Variants in MEF2C observed in about 807,000 individuals in gnomAD.
The protein encoded by MEF2C is myocyte-specific enhancer factor 2C.
MEF2C carries 6 observed loss-of-function variants against 50.5 expected under a neutral mutation model. The observed-to-expected ratio is 0.12, with a 90% confidence interval of 0.07 to 0.23. The LOEUF (loss-of-function observed/expected upper bound fraction) is 0.23. Among genes scored for constraint, MEF2C ranks in the 10% least tolerant of loss-of-function variants. The pLI is 1.00. For synonymous variants in MEF2C, 183 were observed against 228.0 expected (o/e 0.80, Z 1.78); for missense variants, 276 against 605.0 (o/e 0.46, Z 5.70).
chr5:88,793,830 T>A (rs1794883935), intron 3 of MEF2C, among the ~76,000 whole-genome samples: 1 of 151,748 alleles, frequency 6.6e-6, no homozygotes, highest in Admixed American at 6.6e-5. Flanking sequence ...CTGTGTGATA[T>A]TCCCCTCCCT....
In MEF2C at chr5:88,717,148, A is replaced by G. The variant is rs1398689787; in HGVS notation, c.*5456T>C. ...TATTAAGGATAATTTTATTATCAGG[A>G]TATTATCAGGATAATGATAGCAGAA... On this transcript the variant is annotated 3_prime_UTR_variant, in exon 11 of 11. Coordinates refer to ENST00000504921, the MANE Select transcript of MEF2C (RefSeq NM_002397.5). 6.6e-6 allele frequency: 1 copy of G among 152,192 alleles called. No homozygotes were observed. The highest frequency in any genetic ancestry group is 1.9e-4 in the East Asian group (1 of 5,202). The allele number at this position is 152,192 out of a possible 1,614,324, so 9.4% of individuals were successfully genotyped here.
chr5:88,787,587 C>T (rs574284166), intron 3 of MEF2C, among the ~76,000 whole-genome samples: 1 of 152,164 alleles, frequency 6.6e-6, no homozygotes, highest in Admixed American at 6.6e-5. Flanking sequence ...AGTCCTATAT[C>T]CTAGAAGTAA....
At chr5:88,784,012 TA>T (rs796122561) in intron 3 of MEF2C, among the ~76,000 whole-genome samples, 13 of 152,314 alleles carry the variant, frequency 8.5e-5, no homozygotes, top group African/African-American at 2.6e-4. Flanking sequence ...GAAATGAAGG[TA>T]AAAATATAAC....
At chr5:88,892,000 T>G (rs1165458541) in intron 1 of MEF2C, among the ~76,000 whole-genome samples, 1 of 149,084 alleles carries the variant, frequency 6.7e-6, no homozygotes, top group Admixed American at 6.7e-5. Flanking sequence ...GAATATTAAA[T>G]AATTTTAAAT....
At chr5:88,888,720 G>GTT (rs11331197) in intron 1 of MEF2C, among the ~76,000 whole-genome samples, 21,171 of 143,754 alleles carry the variant, frequency 0.15, 1,750 homozygotes, top group Non-Finnish European at 0.2. Flanking sequence ...GTATGGTAAG[G>GTT]TTTTTTTTTT....
At chr5:88,882,183 T>G (rs1222798084) in intron 1 of MEF2C, among the ~76,000 whole-genome samples, 1 of 152,232 alleles carries the variant, frequency 6.6e-6, no homozygotes, top group Non-Finnish European at 1.5e-5. Flanking sequence ...ATATACTTCC[T>G]TTGTGACAAA....
At chr5:88,853,724 G>T (rs73179447) in intron 1 of MEF2C, among the ~76,000 whole-genome samples, 1,613 of 152,226 alleles carry the variant, frequency 0.011, 33 homozygotes, top group African/African-American at 0.036. Flanking sequence ...ATTTATAAAA[G>T]ATATAAACCC....
Position 88,717,719 on chromosome 5 carries a change from C to T in MEF2C, c.*4885G>A, listed in dbSNP as rs1282894511. ...TCTATCAATCTTTTTAAGGACATTC[C>T]CCTTTAGAGATTATTATTGAATGTT... On this transcript the variant is annotated 3_prime_UTR_variant, in exon 11 of 11. Coordinates refer to ENST00000504921, the MANE Select transcript of MEF2C (RefSeq NM_002397.5). 2.0e-5 allele frequency: 3 copies of T among 152,044 alleles called. No individual in the cohort carries two copies. In the East Asian group the frequency reaches 5.8e-4, roughly 29 times the overall value. 9.4% of individuals were successfully genotyped at this position (152,044 alleles called of 1,614,324 possible).
At chr5:88,826,849 T>C (rs1350773613) in intron 1 of MEF2C, among the ~76,000 whole-genome samples, 1 of 151,674 alleles carries the variant, frequency 6.6e-6, no homozygotes, top group Non-Finnish European at 1.5e-5. Context: ...CTACTTTTTT[T>C]CCACAGGAAA....
At chr5:88,753,096 G>A (rs1270780887) in intron 4 of MEF2C, among the ~76,000 whole-genome samples, 10 of 151,794 alleles carry the variant, frequency 6.6e-5, no homozygotes, top group African/African-American at 2.2e-4. Context: ...GTTTTTTTTG[G>A]TCCCATTTTG....
At chr5:88,866,082 G>A (rs1273297308) in intron 1 of MEF2C, among the ~76,000 whole-genome samples, 1 of 152,078 alleles carries the variant, frequency 6.6e-6, no homozygotes, top group African/African-American at 2.4e-5. Flanking sequence ...TTTTTTAGTA[G>A]AGACGGGGTT....
chr5:88,749,039 A>G, intron 6 of MEF2C, 31 bp downstream of exon 6: 1 of 1,559,602 alleles, frequency 6.4e-7, no homozygotes, highest in Non-Finnish European at 8.7e-7. Context: ...CAGAACAATG[A>G]TACATACTGC....
intron 1 of MEF2C, among the ~76,000 whole-genome samples, chr5:88,895,642 C>G (rs897460615): frequency 3.9e-5 from 6 of 152,088 alleles, no homozygotes; most frequent in Admixed American, 2.0e-4. Flanking sequence ...TTACATCACT[C>G]TCTTCCCTAT....
intron 3 of MEF2C, chr5:88,785,510 A>T (rs1455479073): frequency 6.6e-6 from 1 of 152,204 alleles, no homozygotes; most frequent in Non-Finnish European, 1.5e-5. Flanking sequence ...ACTGAACAAG[A>T]GAATTTCATG....
chr5:88,866,277 A>C (rs182334560), intron 1 of MEF2C, among the ~76,000 whole-genome samples: 16 of 152,364 alleles, frequency 1.1e-4, no homozygotes, highest in Admixed American at 6.5e-5. Flanking sequence ...CCAAACAAGC[A>C]TTTCATTCTC....
chr5:88,854,853 T>C (rs1446140675), intron 1 of MEF2C, among the ~76,000 whole-genome samples: 1 of 152,250 alleles, frequency 6.6e-6, no homozygotes, highest in Non-Finnish European at 1.5e-5. Flanking sequence ...GATATTTTTC[T>C]ACTGTGATAT....
At chr5:88,851,815 A>G (rs1024725658) in intron 1 of MEF2C, among the ~76,000 whole-genome samples, 3 of 152,170 alleles carry the variant, frequency 2.0e-5, no homozygotes, top group African/African-American at 4.8e-5. Flanking sequence ...AAGTACTGGA[A>G]ATTATAAAAT....
At chr5:88,877,293 A>G (rs1831369310) in intron 1 of MEF2C, among the ~76,000 whole-genome samples, 1 of 152,050 alleles carries the variant, frequency 6.6e-6, no homozygotes, top group Admixed American at 6.6e-5. Context: ...TTAAAAATAT[A>G]TACCAAGATT....
intron 4 of MEF2C, among the ~76,000 whole-genome samples, chr5:88,757,465 T>C (rs1429354201): frequency 6.6e-6 from 1 of 152,006 alleles, no homozygotes; most frequent in East Asian, 1.9e-4. Flanking sequence ...CCAATGCTGG[T>C]TATCTAAATT....
Sources: gnomAD v4.1 joint callset for allele counts (sites outside exome capture counted in the v4.1 genomes callset) on GRCh38, gnomAD v4.1.1 for gene constraint, MANE v1.5 for transcripts, NCBI Gene and HGNC (gene_info 2026-07-23, HGNC 2026-07-21) for gene names.